B3GALT1: variants seen among roughly 807,000 people sequenced by gnomAD.
B3GALT1 encodes beta-1,3-galactosyltransferase 1.
A neutral mutation model predicts 23.2 loss-of-function variants in B3GALT1; 10 were observed. The ratio of observed to expected loss-of-function variants is 0.43; its 90% CI spans 0.27 to 0.73. The LOEUF is 0.73. Among genes scored for constraint, B3GALT1 ranks in the 30% least tolerant of loss-of-function variants. B3GALT1 has a pLI of 0.21. For missense variants in B3GALT1, 299 were observed against 405.4 expected, an observed-to-expected ratio of 0.74 and a Z score of 2.25; for synonymous variants, 156 against 141.5, an observed-to-expected ratio of 1.10 and a Z score of -0.73.
At position 167,869,890 on chromosome 2, in the gene B3GALT1, G is replaced by T; in HGVS notation, c.851G>T (p.Gly284Val). The part of the protein sequence containing the change: ...KLGIHPFQNS[G>V]FNHWKMAYSL... ...GGCATACATCCTTTCCAGAACAGTG[G>T]CTTCAATCACTGGAAAATGGCCTAC... The change falls in exon 5 of 5, where the codon GGC (glycine) becomes GTC (valine). Residue 284 changes from glycine (G) to valine (V), a missense_variant. Physicochemically the swap from Gly to Val is moderately radical, Grantham distance 109. Coordinates refer to ENST00000392690, the MANE Select transcript of B3GALT1 (RefSeq NM_020981.4). This position sits in a 1 kb window ranked among gnomAD's most constrained non-coding sequence, Gnocchi z 6.4. The T allele has an allele frequency of 1.2e-6, 2 of 1,614,168 alleles. No individual in the cohort carries two copies. Among genetic ancestry groups the T allele is most frequent in the Non-Finnish European group, 1.7e-6 (2 of 1,180,038 alleles).
chr2:167,337,054 G>C (rs1356001582), intron 1 of B3GALT1, among the ~76,000 whole-genome samples: 1 of 152,142 alleles, frequency 6.6e-6, no homozygotes, highest in Non-Finnish European at 1.5e-5. Context: ...GAGGGGGTCA[G>C]GGTGTGGACA....
Position 167,308,160 on chromosome 2 carries a change from C to T in B3GALT1, c.-511+14826C>T, listed in dbSNP as rs1358231164. Among the ~76,000 whole-genome samples, 3 of 152,010 alleles carry T rather than the reference C, an allele frequency of 2.0e-5. No individual in the cohort carries two copies. The East Asian group carries it at 5.8e-4, about 29-fold the overall frequency. ...ATAAAACCTTAGGCAGTAGATGTTA[C>T]TATAATAATATCTCTATTTTATAAC... On this transcript the variant is annotated intron_variant, in intron 1 of 4. Coordinates refer to ENST00000392690, the MANE Select transcript of B3GALT1 (RefSeq NM_020981.4).
intron 1 of B3GALT1, among the ~76,000 whole-genome samples, chr2:167,412,283 A>G (rs1402897911): frequency 1.3e-5 from 2 of 152,204 alleles, no homozygotes; most frequent in East Asian, 1.9e-4. Flanking sequence ...ACAAATTTCT[A>G]TTCATCACAT....
At chr2:167,636,539 T>A (rs763671718) in intron 2 of B3GALT1, among the ~76,000 whole-genome samples, 3 of 152,102 alleles carry the variant, frequency 2.0e-5, no homozygotes, top group Non-Finnish European at 4.4e-5. Flanking sequence ...TGCACACATA[T>A]GTTTATTGCA....
At chr2:167,352,554 TAAA>T (rs763303379) in intron 1 of B3GALT1, among the ~76,000 whole-genome samples, 2 of 113,052 alleles carry the variant, frequency 1.8e-5, no homozygotes, top group African/African-American at 3.2e-5. Context: ...CCGTCTCTAC[TAAA>T]AAAAAAAAAA....
intron 3 of B3GALT1, among the ~76,000 whole-genome samples, chr2:167,779,819 A>G (rs995990146): frequency 2.6e-5 from 4 of 152,224 alleles, no homozygotes; most frequent in Non-Finnish European, 5.9e-5. Context: ...AACTGTTATT[A>G]ATTTCAGAGT....
intron 3 of B3GALT1, among the ~76,000 whole-genome samples, chr2:167,647,567 A>C (rs1331642042): frequency 6.6e-6 from 1 of 152,150 alleles, no homozygotes; most frequent in Non-Finnish European, 1.5e-5. Flanking sequence ...GAGGTGGTCA[A>C]ACAATGACTT....
intron 2 of B3GALT1, among the ~76,000 whole-genome samples, chr2:167,498,307 A>G (rs901224721): frequency 6.6e-6 from 1 of 152,190 alleles, no homozygotes; most frequent in Non-Finnish European, 1.5e-5. Context: ...CATGGTTATA[A>G]GATTAAGAAT....
intron 1 of B3GALT1, among the ~76,000 whole-genome samples, chr2:167,424,776 T>A (rs193286152): frequency 6.6e-6 from 1 of 152,288 alleles, no homozygotes; most frequent in East Asian, 1.9e-4. Flanking sequence ...TTGTGAGAGA[T>A]TATAGAATTA....
chr2:167,772,325 C>T (rs1688087028), intron 3 of B3GALT1, among the ~76,000 whole-genome samples: 1 of 152,276 alleles, frequency 6.6e-6, no homozygotes, highest in Middle Eastern at 3.4e-3. Context: ...ATGCCAGTGT[C>T]ATTGAGGGTT....
chr2:167,867,360 A>T (rs1462845781), intron 4 of B3GALT1, among the ~76,000 whole-genome samples: 2 of 152,096 alleles, frequency 1.3e-5, no homozygotes, highest in African/African-American at 4.8e-5. Flanking sequence ...TTCTCCCGGG[A>T]GGACAGGATA....
intron 2 of B3GALT1, among the ~76,000 whole-genome samples, chr2:167,632,142 G>T (rs1027260180): frequency 2.0e-5 from 3 of 151,970 alleles, no homozygotes; most frequent in Admixed American, 1.3e-4. Context: ...TTTTATGGCT[G>T]CATAGTATTC....
intron 1 of B3GALT1, among the ~76,000 whole-genome samples, chr2:167,454,219 G>GCA (rs201610136): frequency 0.013 from 1,798 of 140,164 alleles, 41 homozygotes; most frequent in African/African-American, 0.045. Context: ...GTGCGCACGC[G>GCA]CGCGTGCACG....
At chr2:167,851,496 G>A (rs767272601) in intron 4 of B3GALT1, among the ~76,000 whole-genome samples, 5 of 152,144 alleles carry the variant, frequency 3.3e-5, no homozygotes, top group Non-Finnish European at 7.4e-5. Flanking sequence ...TTATGTCTCC[G>A]TCTTGAGTTT....
chr2:167,319,115 G>A (rs1169622944), intron 1 of B3GALT1, among the ~76,000 whole-genome samples: 1 of 152,126 alleles, frequency 6.6e-6, no homozygotes, highest in Non-Finnish European at 1.5e-5. Context: ...AGGACTCTTT[G>A]TGGGGAATGG....
At chr2:167,617,075 C>T (rs1685173572) in intron 2 of B3GALT1, among the ~76,000 whole-genome samples, 1 of 152,038 alleles carries the variant, frequency 6.6e-6, no homozygotes, top group South Asian at 2.1e-4. Context: ...GATCTAGTGA[C>T]TATATGCTAT....
chr2:167,816,321 A>G, intron 3 of B3GALT1, among the ~76,000 whole-genome samples: 1 of 152,230 alleles, frequency 6.6e-6, no homozygotes, highest in East Asian at 1.9e-4. Context: ...GTGTGAAAAG[A>G]AAAATCCCAA....
intron 2 of B3GALT1, among the ~76,000 whole-genome samples, chr2:167,616,763 G>A (rs1685168898): frequency 6.6e-6 from 1 of 151,952 alleles, no homozygotes; most frequent in African/African-American, 2.4e-5. Context: ...TGGTTGACAG[G>A]AATCTTTATT....
intron 1 of B3GALT1, among the ~76,000 whole-genome samples, chr2:167,447,445 G>C (rs1416456058): frequency 6.6e-6 from 1 of 152,208 alleles, no homozygotes; most frequent in Non-Finnish European, 1.5e-5. Context: ...GTTCAGCTAT[G>C]CCCTGTCTGC....
Sources: gnomAD v4.1 joint callset for allele counts (sites outside exome capture counted in the v4.1 genomes callset) on GRCh38, gnomAD v4.1.1 for gene constraint, Gnocchi (gnomAD v3.1) non-coding constraint, MANE v1.5 for transcripts, NCBI Gene and HGNC (gene_info 2026-07-23, HGNC 2026-07-21) for gene names.